The following GTF2E2 variants were observed in gnomAD, a reference collection of about 807,000 sequenced individuals.
The protein encoded by GTF2E2 is transcription initiation factor IIE subunit beta.
GTF2E2 carries 21 observed loss-of-function variants against 40.5 expected under a neutral mutation model. The ratio of observed to expected loss-of-function variants is 0.52; its 90% CI spans 0.37 to 0.75. GTF2E2 has a LOEUF of 0.75. Among genes scored for constraint, GTF2E2 ranks in the 30% least tolerant of loss-of-function variants. The pLI is 0.00. For synonymous variants in GTF2E2, 117 were observed against 121.6 expected (o/e 0.96, Z 0.25); for missense variants, 298 against 338.4 (o/e 0.88, Z 0.94).
chr8:30,651,369 TA>T (rs768700971), intron 2 of GTF2E2, among the ~76,000 whole-genome samples: 5 of 151,214 alleles, frequency 3.3e-5, no homozygotes, highest in Non-Finnish European at 5.9e-5. Flanking sequence ...ATCAATGTAT[TA>T]AAAAAAACTC....
chr8:30,617,705 G>A (rs1339094895), intron 3 of GTF2E2, among the ~76,000 whole-genome samples: 1 of 151,126 alleles, frequency 6.6e-6, no homozygotes, highest in Non-Finnish European at 1.5e-5. Flanking sequence ...CTGTGGTCAT[G>A]CCACTGCACT....
At chr8:30,650,674 T>C (rs544613861) in intron 2 of GTF2E2, among the ~76,000 whole-genome samples, 1 of 149,934 alleles carries the variant, frequency 6.7e-6, no homozygotes, top group Non-Finnish European at 1.5e-5. Flanking sequence ...GCCATGATCA[T>C]GCCCGTACTC....
chr8:30,586,153 C>T (rs1420396205), intron 6 of GTF2E2, among the ~76,000 whole-genome samples: 1 of 152,214 alleles, frequency 6.6e-6, no homozygotes, highest in Non-Finnish European at 1.5e-5. Context: ...TTTCCTTTAA[C>T]AACACGTGTT....
chr8:30,617,448 A>G (rs1406925997), intron 3 of GTF2E2, among the ~76,000 whole-genome samples: 1 of 152,172 alleles, frequency 6.6e-6, no homozygotes, highest in Admixed American at 6.5e-5. Context: ...TACAAGCTAC[A>G]AAAGTTAGAT....
Position 30,605,625 on chromosome 8 carries a change from A to AT in GTF2E2, c.643+1431dup, listed in dbSNP as rs35044873. On this transcript the variant is annotated intron_variant, in intron 6 of 7. Transcript: ENST00000355904. The stretch of plus-strand genomic sequence containing the variant: ...AATAAAGGAATCGGTTATTTCTTAG[A>AT]TTTTTTTTTTTTTGAGCTCAGAAAT... Among the ~76,000 whole-genome samples the AT allele has an allele frequency of 6.0e-3, 889 of 148,008 alleles. 7 individuals are homozygous for AT. The highest frequency in any genetic ancestry group is 0.014 in the African/African-American group (567 of 40,424).
At chr8:30,614,437 T>A (rs961454645) in intron 4 of GTF2E2, among the ~76,000 whole-genome samples, 171 bp downstream of exon 4, 1 of 151,844 alleles carries the variant, frequency 6.6e-6, no homozygotes, top group East Asian at 1.9e-4. Context: ...AAAATTAGCC[T>A]GGTATCGTGG....
At chr8:30,653,386 T>A in intron 2 of GTF2E2, 47 bp downstream of exon 2, 1 of 1,464,144 alleles carries the variant, frequency 6.8e-7, no homozygotes, top group Non-Finnish European at 9.5e-7. Context: ...GGTTTCCTCC[T>A]GAATAATCTG....
intron 2 of GTF2E2, among the ~76,000 whole-genome samples, chr8:30,641,746 A>G (rs1801842187): frequency 6.6e-6 from 1 of 152,202 alleles, no homozygotes; most frequent in Admixed American, 6.5e-5. Flanking sequence ...GTGTGACTGT[A>G]CATACCTGTA....
intron 6 of GTF2E2, among the ~76,000 whole-genome samples, chr8:30,583,044 C>G (rs1166163049): frequency 6.6e-6 from 1 of 152,020 alleles, no homozygotes; most frequent in African/African-American, 2.4e-5. Context: ...TAGAATTCTA[C>G]TATAATAGGC....
At chr8:30,632,716 G>T (rs969826854) in intron 3 of GTF2E2, among the ~76,000 whole-genome samples, 7 of 152,096 alleles carry the variant, frequency 4.6e-5, no homozygotes, top group African/African-American at 1.4e-4. Flanking sequence ...GAAAATAAAT[G>T]GTTAAGCACT....
At chr8:30,645,447 G>A (rs1158192638) in intron 2 of GTF2E2, 1 of 1,535,500 alleles carries the variant, frequency 6.5e-7, no homozygotes, top group Admixed American at 2.0e-5. Flanking sequence ...TATTTACAGT[G>A]GTATCTTTAG....
At chr8:30,627,672 A>C (rs534227486) in intron 3 of GTF2E2, among the ~76,000 whole-genome samples, 2 of 152,296 alleles carry the variant, frequency 1.3e-5, no homozygotes, top group African/African-American at 2.4e-5. Context: ...TATTTAAAAA[A>C]AGTCTTGAAT....
chr8:30,581,924 G>A (rs1828526017), intron 6 of GTF2E2, among the ~76,000 whole-genome samples: 1 of 152,122 alleles, frequency 6.6e-6, no homozygotes, highest in Non-Finnish European at 1.5e-5. Flanking sequence ...CTACAGCCTA[G>A]ACAAGACTTC....
In GTF2E2 at chr8:30,653,436, A is replaced by G. The variant is rs1238640146; in HGVS notation, c.163T>C (p.Ser55Pro). Residue 55 changes from serine (S) to proline (P), a missense_variant, in exon 2 of 8, where the codon TCT becomes CCT. Physicochemically the swap from Ser to Pro is moderately conservative, Grantham distance 74. Coordinates refer to ENST00000355904, the MANE Select transcript of GTF2E2 (RefSeq NM_002095.6). ...HGGSSGSKQN[S>P]DHSNGSFNLK... ...AGTCCTAAACAATTTTACTAACCAG[A>G]ATTTTGTTTAGAGCCTGACGATCCT... 4 of 1,611,042 alleles carry G rather than the reference A, an allele frequency of 2.5e-6. No individual in the cohort carries two copies. The highest frequency in any genetic ancestry group is 3.4e-6 in the Non-Finnish European group (4 of 1,178,576).
Position 30,657,195 on chromosome 8 carries a change from A to C in GTF2E2, c.-5+778T>G, listed in dbSNP as rs140453690. 9.3e-3 allele frequency among the ~76,000 whole-genome samples: 1,411 copies of C among 152,060 alleles called. 25 individuals carry two copies. The highest frequency in any genetic ancestry group is 0.031 in the African/African-American group (1,280 of 41,538). ...CAAAGACTACCCAATATGTGTACTAAGTTTTAGATCTCTGGACCCCCCTAT... is the reference window on the plus strand; with the variant it reads ...CAAAGACTACCCAATATGTGTACTACGTTTTAGATCTCTGGACCCCCCTAT... On this transcript the variant is annotated intron_variant, in intron 1 of 7. Transcript: ENST00000355904.
intron 3 of GTF2E2, among the ~76,000 whole-genome samples, chr8:30,619,941 G>A (rs1298303044): frequency 6.6e-6 from 1 of 152,004 alleles, no homozygotes; most frequent in East Asian, 1.9e-4. Flanking sequence ...CCCTTAAAAG[G>A]GAAAGAGGGA....
intron 2 of GTF2E2, chr8:30,643,764 A>C (rs539547943): frequency 6.6e-5 from 10 of 152,150 alleles, no homozygotes; most frequent in Admixed American, 5.9e-4. Context: ...AATAATTCTA[A>C]GTCTTAACCC....
intron 2 of GTF2E2, among the ~76,000 whole-genome samples, chr8:30,636,535 A>C (rs987259468): frequency 4.6e-5 from 7 of 152,204 alleles, no homozygotes; most frequent in Non-Finnish European, 8.8e-5. Context: ...TTTTCCTTTA[A>C]AACTAACTTT....
chr8:30,642,619 A>G (rs1269452511), intron 2 of GTF2E2, among the ~76,000 whole-genome samples: 1 of 150,884 alleles, frequency 6.6e-6, no homozygotes, highest in East Asian at 1.9e-4. Context: ...AATTTCTTGT[A>G]GGTCTTTCTA....
Sources: allele counts gnomAD v4.1 joint callset (sites outside exome capture counted in the v4.1 genomes callset), GRCh38; gene constraint gnomAD v4.1.1; transcripts MANE v1.5; gene names NCBI Gene and HGNC (gene_info 2026-07-23, HGNC 2026-07-21).